Variants in TBXAS1 observed in about 807,000 individuals in gnomAD.
TBXAS1 encodes the protein thromboxane-A synthase.
TBXAS1 carries 48 observed loss-of-function variants against 60.7 expected under a neutral mutation model. The ratio of observed to expected loss-of-function variants is 0.79; its 90% CI spans 0.63 to 1.01. The LOEUF (loss-of-function observed/expected upper bound fraction) is 1.01. Ranked by LOEUF, TBXAS1 falls within the 50% of genes least tolerant of loss-of-function variation. TBXAS1 has a pLI of 0.00. For synonymous variants in TBXAS1, 287 were observed against 269.7 expected, an observed-to-expected ratio of 1.06 and a Z score of -0.63; for missense variants, 685 against 686.3, an observed-to-expected ratio of 1.00 and a Z score of 0.02.
At chr7:139,877,238 C>T (rs1168212774) in intron 3 of TBXAS1, among the ~76,000 whole-genome samples, 1 of 152,172 alleles carries the variant, frequency 6.6e-6, no homozygotes, top group African/African-American at 2.4e-5. Flanking sequence ...ACAAGCAACC[C>T]TGCTTCACTC....
At chr7:139,921,956 A>G (rs1806508354) in intron 4 of TBXAS1, among the ~76,000 whole-genome samples, 1 of 152,094 alleles carries the variant, frequency 6.6e-6, no homozygotes, top group Non-Finnish European at 1.5e-5. Context: ...GTGGAGTTCT[A>G]GTTGTTCCAG....
chr7:139,962,315 T>A (rs1810438327), intron 9 of TBXAS1, 82 bp downstream of exon 9: 1 of 1,507,816 alleles, frequency 6.6e-7, no homozygotes, highest in Non-Finnish European at 9.2e-7. Flanking sequence ...AACTTATTTT[T>A]AATGACTTGC....
upstream of TBXAS1, among the ~76,000 whole-genome samples, chr7:139,828,829 GTGGGA>G (rs1357664715): frequency 6.6e-6 from 1 of 152,214 alleles, no homozygotes; most frequent in Non-Finnish European, 1.5e-5. Flanking sequence ...AATGGACTTG[GTGGGA>G]TGGTTGTCCT....
chr7:139,881,463 T>G (rs34765434), intron 3 of TBXAS1, among the ~76,000 whole-genome samples: 10 of 151,538 alleles, frequency 6.6e-5, no homozygotes, highest in East Asian at 1.9e-4. Context: ...TTTCCCCCCC[T>G]CCAGGAGGGT....
At chr7:140,015,059 T>G (rs1424429822) in intron 10 of TBXAS1, among the ~76,000 whole-genome samples, 1 of 150,236 alleles carries the variant, frequency 6.7e-6, no homozygotes, top group East Asian at 2.0e-4. Flanking sequence ...CAGAATTATT[T>G]CCTAATGAAA....
At chr7:139,844,820 A>G (rs1359333258) in intron 1 of TBXAS1, among the ~76,000 whole-genome samples, 1 of 152,180 alleles carries the variant, frequency 6.6e-6, no homozygotes, top group Admixed American at 6.5e-5. Flanking sequence ...GGTTCTCAGG[A>G]GAAGTGTGGC....
chr7:139,900,373 C>T (rs1804473327), intron 3 of TBXAS1, among the ~76,000 whole-genome samples: 1 of 152,166 alleles, frequency 6.6e-6, no homozygotes, highest in Non-Finnish European at 1.5e-5. Flanking sequence ...CCGGATCCCA[C>T]CTGCTAAGCT....
intron 5 of TBXAS1, among the ~76,000 whole-genome samples, chr7:139,938,389 G>C (rs1807982201): frequency 6.6e-6 from 1 of 152,158 alleles, no homozygotes; most frequent in Admixed American, 6.5e-5. Context: ...CTCCCCAGGT[G>C]ATTGTCACGT....
intron 2 of TBXAS1, among the ~76,000 whole-genome samples, chr7:139,781,262 C>T (rs576831522): frequency 6.6e-6 from 1 of 152,312 alleles, no homozygotes; most frequent in African/African-American, 2.4e-5. Context: ...ACTGAGTATA[C>T]TAATTGTCTC....
intron 4 of TBXAS1, among the ~76,000 whole-genome samples, chr7:139,926,682 T>G (rs1806906616): frequency 1.3e-5 from 2 of 152,082 alleles, no homozygotes; most frequent in African/African-American, 4.8e-5. Flanking sequence ...TGGCTTTAGC[T>G]CCTGCTTTTT....
chr7:139,953,269 T>C, intron 5 of TBXAS1, 99 bp from the exon 6 acceptor site: 1 of 978,890 alleles, frequency 1.0e-6, no homozygotes, highest in Non-Finnish European at 1.7e-6. Context: ...ACAGTGTTCA[T>C]TTTCCCAGAA....
At chr7:140,005,816 G>C (rs1437617837) in intron 9 of TBXAS1, among the ~76,000 whole-genome samples, 1 of 152,200 alleles carries the variant, frequency 6.6e-6, no homozygotes, top group Non-Finnish European at 1.5e-5. Flanking sequence ...GATTAGCTAC[G>C]ATACTGGCTA....
intron 4 of TBXAS1, among the ~76,000 whole-genome samples, chr7:139,803,344 C>G (rs1382677147): frequency 6.6e-6 from 1 of 152,138 alleles, no homozygotes; most frequent in Non-Finnish European, 1.5e-5. Flanking sequence ...CCCTAGAGAT[C>G]TGTGGAACTT....
intron 3 of TBXAS1, among the ~76,000 whole-genome samples, chr7:139,877,728 CTTT>C (rs902893678): frequency 1.0e-5 from 1 of 97,658 alleles, no homozygotes; most frequent in Non-Finnish European, 2.1e-5. Flanking sequence ...CAGTCTATTG[CTTT>C]TTTTTTTTTT....
At chr7:139,819,068 C>T (rs1798226517) in intron 4 of TBXAS1, among the ~76,000 whole-genome samples, 2 of 152,226 alleles carry the variant, frequency 1.3e-5, no homozygotes, top group Admixed American at 1.3e-4. Context: ...GAATTGAGGA[C>T]ATACCCAGAA....
chr7:140,003,251 C>G (rs1479608422), intron 9 of TBXAS1, among the ~76,000 whole-genome samples: 1 of 151,866 alleles, frequency 6.6e-6, no homozygotes, highest in Non-Finnish European at 1.5e-5. Context: ...GAGTTTTGCT[C>G]TTGATGCCTA....
At chr7:139,897,795 C>T (rs1308166856) in intron 3 of TBXAS1, among the ~76,000 whole-genome samples, 1 of 152,158 alleles carries the variant, frequency 6.6e-6, no homozygotes, top group Admixed American at 6.5e-5. Flanking sequence ...GCAGATGTTG[C>T]CTGACCCTGC....
intron 3 of TBXAS1, among the ~76,000 whole-genome samples, chr7:139,892,146 A>G (rs79480421): frequency 0.014 from 2,068 of 152,294 alleles, 28 homozygotes; most frequent in South Asian, 0.028. Flanking sequence ...ACTCCCGAAG[A>G]GCTGATACCT....
intron 4 of TBXAS1, among the ~76,000 whole-genome samples, chr7:139,799,637 A>T (rs1003601463): frequency 6.6e-6 from 1 of 152,316 alleles, no homozygotes; most frequent in Non-Finnish European, 1.5e-5. Context: ...AATTACAGGC[A>T]TGAGCCACCA....
Sources: gnomAD v4.1 joint callset for allele counts (sites outside exome capture counted in the v4.1 genomes callset) on GRCh38, gnomAD v4.1.1 for gene constraint, MANE v1.5 for transcripts, NCBI Gene and HGNC (gene_info 2026-07-23, HGNC 2026-07-21) for gene names.